Variants in DMRT1 observed in about 807,000 individuals in gnomAD.
DMRT1 encodes doublesex and mab-3 related transcription factor 1, also known as doublesex- and mab-3-related transcription factor 1.
In DMRT1, 7 loss-of-function variants were observed where a neutral mutation model predicts 32.3. That is an observed-to-expected ratio of 0.22 (90% confidence interval 0.12 to 0.41). The LOEUF (loss-of-function observed/expected upper bound fraction) is 0.41. Ranked by LOEUF, DMRT1 falls within the 10% of genes least tolerant of loss-of-function variation. The pLI is 1.00. For synonymous variants in DMRT1, 278 were observed against 206.1 expected (o/e 1.35, Z -2.99); for missense variants, 625 against 500.5 (o/e 1.25, Z -2.37).
intron 2 of DMRT1, among the ~76,000 whole-genome samples, chr9:873,509 G>C (rs963130693): frequency 6.6e-6 from 1 of 151,828 alleles, no homozygotes; most frequent in Non-Finnish European, 1.5e-5. Context: ...AGTAGAGATG[G>C]GGTTTCATCT....
At chr9:896,269 T>C (rs2129641536) in intron 3 of DMRT1, among the ~76,000 whole-genome samples, 2 of 151,852 alleles carry the variant, frequency 1.3e-5, no homozygotes, top group South Asian at 4.2e-4. Flanking sequence ...CTGAGATTTT[T>C]TTTTTCTTGT....
In DMRT1 at chr9:910,518, A is replaced by AT. The variant is rs200254733; in HGVS notation, c.823-6234dup. On this transcript the variant is annotated intron_variant, in intron 3 of 4. Transcript: ENST00000382276. ...AGATAACCAGTGACTGGTATTTGGG[A>AT]TTTTTTTTTTTAAAAAAAGAAGTGA... 9.6e-4 allele frequency among the ~76,000 whole-genome samples: 143 copies of AT among 149,150 alleles called. 1 individual carries two copies. The highest frequency in any genetic ancestry group is 1.4e-3 in the East Asian group (7 of 5,128).
chr9:915,763 C>A (rs142448605), intron 3 of DMRT1, among the ~76,000 whole-genome samples: 1 of 150,048 alleles, frequency 6.7e-6, no homozygotes, highest in African/African-American at 2.5e-5. Context: ...GACAGAGTCT[C>A]GCTCTGTCGC....
At chr9:886,665 TTATG>T (rs1408794329) in intron 2 of DMRT1, among the ~76,000 whole-genome samples, 1 of 152,162 alleles carries the variant, frequency 6.6e-6, no homozygotes, top group African/African-American at 2.4e-5. Context: ...TTTGAAAACT[TTATG>T]TATATATAAA....
chr9:842,790 C>T (rs967192200), intron 1 of DMRT1: 1 of 152,534 alleles, frequency 6.6e-6, no homozygotes, highest in African/African-American at 2.4e-5. Context: ...CGGGGGTTCC[C>T]TCTGCTCCCG....
At chr9:857,486 G>C (rs1360257966) in intron 2 of DMRT1, among the ~76,000 whole-genome samples, 1 of 152,106 alleles carries the variant, frequency 6.6e-6, no homozygotes, top group African/African-American at 2.4e-5. Context: ...TGTATTATTG[G>C]TTGGTAGAAA....
chr9:887,997 T>G (rs1371877381), intron 2 of DMRT1, among the ~76,000 whole-genome samples: 2 of 152,208 alleles, frequency 1.3e-5, no homozygotes, highest in Admixed American at 6.5e-5. Flanking sequence ...ATAAATGATT[T>G]TTGTAACACC....
At chr9:898,039 T>TA (rs1804026215) in intron 3 of DMRT1, among the ~76,000 whole-genome samples, 1 of 150,770 alleles carries the variant, frequency 6.6e-6, no homozygotes, top group South Asian at 2.1e-4. Flanking sequence ...CTACAAATAA[T>TA]ACCTTTAGCT....
At chr9:869,907 G>A (rs967585060) in intron 2 of DMRT1, among the ~76,000 whole-genome samples, 1 of 152,066 alleles carries the variant, frequency 6.6e-6, no homozygotes, top group South Asian at 2.1e-4. Context: ...TGGAGTTGGT[G>A]GGCGTCCTAG....
chr9:865,045 T>G (rs1393568953), intron 2 of DMRT1, among the ~76,000 whole-genome samples: 2 of 152,202 alleles, frequency 1.3e-5, no homozygotes, highest in Non-Finnish European at 2.9e-5. Context: ...GAGCATGGAA[T>G]TAGAATGCAC....
chr9:876,553 C>G (rs1225512568), intron 2 of DMRT1, among the ~76,000 whole-genome samples: 2 of 149,704 alleles, frequency 1.3e-5, no homozygotes, highest in Non-Finnish European at 3.0e-5. Flanking sequence ...TCTATTGAGA[C>G]AGAGTCTTGC....
At chr9:958,242 G>A (rs900369855) in intron 4 of DMRT1, among the ~76,000 whole-genome samples, 9 of 152,080 alleles carry the variant, frequency 5.9e-5, no homozygotes, top group Admixed American at 3.3e-4. Flanking sequence ...ATCCTCTACC[G>A]TGCTACTAGC....
In DMRT1 at chr9:842,098, C is replaced by T; in HGVS notation, c.260C>T (p.Pro87Leu). Residue 87 changes from proline (P) to leucine (L), a missense_variant, in exon 1 of 5, where the codon CCG (proline) becomes CTG (leucine). By Grantham distance (98) the Pro-to-Leu change is moderately conservative (BLOSUM62 -3). Transcript: ENST00000382276. ...ARCRNHGYAS[P>L]LKGHKRFCMW... is the part of the protein sequence containing the mutation. Reference sequence around the variant, plus strand: ...TGCAGGAACCACGGCTACGCCTCGCCGCTCAAGGGCCACAAGCGCTTCTGC... The same window carrying T: ...TGCAGGAACCACGGCTACGCCTCGCTGCTCAAGGGCCACAAGCGCTTCTGC... 1 of 1,547,290 alleles carries T rather than the reference C, an allele frequency of 6.5e-7. No individual in the cohort carries two copies. Among genetic ancestry groups the T allele is most frequent in the East Asian group, 2.4e-5 (1 of 41,346 alleles).
chr9:927,356 A>G (rs748623733), intron 4 of DMRT1, among the ~76,000 whole-genome samples: 1 of 152,238 alleles, frequency 6.6e-6, no homozygotes, highest in Non-Finnish European at 1.5e-5. Flanking sequence ...AGTGTTCTTC[A>G]TAAAAACCAG....
chr9:953,080 GCTT>G (rs1186622913), intron 4 of DMRT1, among the ~76,000 whole-genome samples: 2 of 152,142 alleles, frequency 1.3e-5, no homozygotes, highest in Admixed American at 1.3e-4. Flanking sequence ...TTGCATACAT[GCTT>G]TGTGTGTCCC....
chr9:896,736 C>T (rs935503894), intron 3 of DMRT1, among the ~76,000 whole-genome samples: 1 of 151,584 alleles, frequency 6.6e-6, no homozygotes, highest in African/African-American at 2.4e-5. Flanking sequence ...TCGTCTGAAC[C>T]CGGGAGGTGG....
chr9:842,382 A>G, intron 1 of DMRT1, 190 bp downstream of exon 1: 1 of 701,090 alleles, frequency 1.4e-6, no homozygotes. Flanking sequence ...CTACAGGCGC[A>G]CACCACCATG....
chr9:878,587 C>G (rs1411852641), intron 2 of DMRT1, among the ~76,000 whole-genome samples: 1 of 152,102 alleles, frequency 6.6e-6, no homozygotes, highest in African/African-American at 2.4e-5. Flanking sequence ...GTGGAAGATT[C>G]CAAGTTCAGC....
intron 2 of DMRT1, among the ~76,000 whole-genome samples, chr9:880,629 G>C (rs144861632): frequency 1.3e-5 from 2 of 151,382 alleles, no homozygotes; most frequent in African/African-American, 2.4e-5. Context: ...AGGAGGCTGA[G>C]GCAGGAGAAT....
Sources: allele counts gnomAD v4.1 joint callset (sites outside exome capture counted in the v4.1 genomes callset), GRCh38; gene constraint gnomAD v4.1.1; transcripts MANE v1.5; gene names NCBI Gene and HGNC (gene_info 2026-07-23, HGNC 2026-07-21).